The following TBCA variants were observed in gnomAD, a reference collection of about 807,000 sequenced individuals.
The protein encoded by TBCA is tubulin-specific chaperone A.
TBCA carries 6 observed loss-of-function variants against 15.8 expected under a neutral mutation model. The ratio of observed to expected loss-of-function variants is 0.38; its 90% CI spans 0.21 to 0.75. TBCA has a LOEUF of 0.75. TBCA is among the 30% of genes least tolerant of loss of function. The pLI, the probability that TBCA is intolerant of heterozygous loss-of-function variation, is 0.46. For synonymous variants in TBCA, 32 were observed against 42.3 expected (o/e 0.76, Z 0.94); for missense variants, 90 against 131.2 (o/e 0.69, Z 1.53).
In TBCA at chr5:77,755,957, T is replaced by C. The variant is rs1747464932; in HGVS notation, c.53+20248A>G. Reference sequence around the variant, plus strand: ...AGGCGGAGGTTGCGGTGAGCAGTGATGGCACCATTTGCATTCCAGCTGGGT... The same window carrying C: ...AGGCGGAGGTTGCGGTGAGCAGTGACGGCACCATTTGCATTCCAGCTGGGT... On this transcript the variant is annotated intron_variant, in intron 1 of 3. Coordinates refer to ENST00000380377, the MANE Select transcript of TBCA (RefSeq NM_004607.3). Among the ~76,000 whole-genome samples, 4 of 152,316 alleles carry C rather than the reference T, an allele frequency of 2.6e-5. No individual in the cohort carries two copies. In the South Asian group the frequency reaches 8.3e-4, roughly 32 times the overall value.
At chr5:77,754,796 T>C (rs1747434807) in intron 1 of TBCA, among the ~76,000 whole-genome samples, 1 of 152,238 alleles carries the variant, frequency 6.6e-6, no homozygotes, top group African/African-American at 2.4e-5. Flanking sequence ...AATGAAATTG[T>C]TTCATCAATA....
chr5:77,691,943 A>G lies in TBCA; in HGVS notation c.247-445T>C, dbSNP rs1372257600. The G allele has an allele frequency of 8.1e-6, 8 of 987,272 alleles. 1 individual carries two copies. In the Admixed American group the frequency reaches 4.9e-4, roughly 60 times the overall value. 61.2% of individuals were successfully genotyped at this position (987,272 alleles called of 1,614,324 possible). Reference sequence around the variant, plus strand: ...AAGAAGGCTTCTGATGTCACAACAGAGTTAAATATAATCTTTGAATTAAAC... The same window carrying G: ...AAGAAGGCTTCTGATGTCACAACAGGGTTAAATATAATCTTTGAATTAAAC... On this transcript the variant is annotated intron_variant, in intron 3 of 3. Coordinates refer to ENST00000380377, the MANE Select transcript of TBCA (RefSeq NM_004607.3).
intron 1 of TBCA, among the ~76,000 whole-genome samples, chr5:77,760,421 C>T (rs903081324): frequency 5.9e-5 from 9 of 152,080 alleles, no homozygotes; most frequent in Non-Finnish European, 1.3e-4. Context: ...CCTTTCCTCT[C>T]CTTTCCTCTC....
At chr5:77,691,933 G>A in intron 3 of TBCA, 3 of 988,234 alleles carry the variant, frequency 3.0e-6, no homozygotes, top group African/African-American at 3.5e-5. Flanking sequence ...GGCTTCTGAT[G>A]TCACAACAGA....
intron 1 of TBCA, among the ~76,000 whole-genome samples, chr5:77,718,053 C>G (rs562699580): frequency 6.6e-6 from 1 of 152,208 alleles, no homozygotes; most frequent in Non-Finnish European, 1.5e-5. Flanking sequence ...GCCCTCAAAC[C>G]CAGGAGGCAG....
chr5:77,712,830 G>T (rs1040998413), intron 1 of TBCA, among the ~76,000 whole-genome samples: 1 of 152,052 alleles, frequency 6.6e-6, no homozygotes, highest in African/African-American at 2.4e-5. Flanking sequence ...TGCTATTATG[G>T]AAATATACAT....
chr5:77,707,391 T>G (rs1459327221), intron 2 of TBCA, among the ~76,000 whole-genome samples: 3 of 152,164 alleles, frequency 2.0e-5, no homozygotes, highest in African/African-American at 7.2e-5. Flanking sequence ...CCTAACTCAG[T>G]TTGAGGTGAG....
intron 1 of TBCA, among the ~76,000 whole-genome samples, chr5:77,760,720 G>A (rs457167): frequency 0.87 from 133,037 of 152,234 alleles, 58,469 homozygotes; most frequent in Non-Finnish European, 0.92. Context: ...CGCTCACTCA[G>A]TGCTCAATGT....
intron 1 of TBCA, among the ~76,000 whole-genome samples, chr5:77,720,721 T>TA (rs1194379234): frequency 2.0e-5 from 3 of 151,786 alleles, no homozygotes; most frequent in Non-Finnish European, 4.4e-5. Flanking sequence ...CTCAAAAAAA[T>TA]AAAAAAATTA....
At chr5:77,770,864 A>T (rs982934152) in intron 1 of TBCA, among the ~76,000 whole-genome samples, 1 of 152,192 alleles carries the variant, frequency 6.6e-6, no homozygotes, top group African/African-American at 2.4e-5. Context: ...GGCCAGGCAT[A>T]GTGGCTCACG....
chr5:77,703,996 C>T (rs1314404503), intron 2 of TBCA, among the ~76,000 whole-genome samples: 1 of 152,130 alleles, frequency 6.6e-6, no homozygotes, highest in Non-Finnish European at 1.5e-5. Context: ...TCTCTCTCTC[C>T]TGCCGCCTTG....
intron 1 of TBCA, among the ~76,000 whole-genome samples, chr5:77,729,732 G>A (rs569554222): frequency 2.0e-5 from 3 of 152,194 alleles, no homozygotes; most frequent in African/African-American, 7.2e-5. Flanking sequence ...CACTTAGATG[G>A]GCAAAGCAAA....
At chr5:77,692,225 C>T (rs894708317) in intron 3 of TBCA, 1 of 985,116 alleles carries the variant, frequency 1.0e-6, no homozygotes, top group East Asian at 1.1e-4. Context: ...GATATACAAA[C>T]AGTAGAGGAA....
At chr5:77,765,415 T>C (rs1379318862) in intron 1 of TBCA, among the ~76,000 whole-genome samples, 1 of 152,190 alleles carries the variant, frequency 6.6e-6, no homozygotes, top group Non-Finnish European at 1.5e-5. Context: ...ACTATCATAG[T>C]GAAAACTACA....
chr5:77,766,161 G>A (rs1489541239), intron 1 of TBCA, among the ~76,000 whole-genome samples: 1 of 151,974 alleles, frequency 6.6e-6, no homozygotes, highest in African/African-American at 2.4e-5. Context: ...ACCTGGAGTG[G>A]ATTAGTCTAT....
At chr5:77,742,729 T>C (rs1282755515) in intron 1 of TBCA, among the ~76,000 whole-genome samples, 4 of 152,210 alleles carry the variant, frequency 2.6e-5, no homozygotes, top group African/African-American at 9.6e-5. Flanking sequence ...AAGTCATCAA[T>C]ATGGTGAATG....
At chr5:77,737,028 G>A (rs1746925000) in intron 1 of TBCA, among the ~76,000 whole-genome samples, 1 of 152,134 alleles carries the variant, frequency 6.6e-6, no homozygotes, top group Non-Finnish European at 1.5e-5. Flanking sequence ...AGACTTTTGG[G>A]AATATAGGAG....
intron 1 of TBCA, among the ~76,000 whole-genome samples, chr5:77,719,197 C>T (rs533600499): frequency 6.6e-6 from 1 of 152,238 alleles, no homozygotes; most frequent in South Asian, 2.1e-4. Flanking sequence ...AAGTGAAAAG[C>T]CAGCTGTCCA....
chr5:77,732,550 C>CA (rs35780694), intron 1 of TBCA, among the ~76,000 whole-genome samples: 9,603 of 88,624 alleles, frequency 0.11, 1,034 homozygotes, highest in Middle Eastern at 0.15. Flanking sequence ...GACTCTGTCT[C>CA]AAAAAAAAAA....
Sources: gnomAD v4.1 joint callset for allele counts (sites outside exome capture counted in the v4.1 genomes callset) on GRCh38, gnomAD v4.1.1 for gene constraint, MANE v1.5 for transcripts, NCBI Gene and HGNC (gene_info 2026-07-23, HGNC 2026-07-21) for gene names.